Variants in ANKRD29 observed in about 807,000 individuals in gnomAD.
ANKRD29 encodes the protein ankyrin repeat domain 29.
A neutral mutation model predicts 38.0 loss-of-function variants in ANKRD29; 32 were observed. That is an observed-to-expected ratio of 0.84 (90% confidence interval 0.64 to 1.13). The LOEUF (loss-of-function observed/expected upper bound fraction) is 1.13. Ranked by LOEUF, ANKRD29 falls within the 50% of genes most tolerant of loss-of-function variation. The pLI is 0.00. For synonymous variants in ANKRD29, 135 were observed against 152.4 expected (o/e 0.89, Z 0.84); for missense variants, 357 against 377.9 (o/e 0.94, Z 0.46).
In ANKRD29 at chr18:23,600,584, A is replaced by G. The variant is rs369172297; in HGVS notation, c.*642T>C. 10 of 152,690 alleles carry G rather than the reference A, an allele frequency of 6.5e-5. No individual in the cohort carries two copies. The highest frequency in any genetic ancestry group is 1.9e-4 in the African/African-American group (8 of 41,468). 9.5% of individuals were successfully genotyped at this position (152,690 alleles called of 1,614,324 possible). A position where few individuals can be genotyped will look rare whatever the true frequency, so the allele number is the denominator to read the frequency against. On this transcript the variant is annotated 3_prime_UTR_variant, in exon 10 of 10. Coordinates refer to ENST00000592179, the MANE Select transcript of ANKRD29 (RefSeq NM_173505.4). ...TCAGGAATAAGATGAGGATCAACGA[A>G]CAAATGCACAGTCTGTCTTTTCTAT...
At chr18:23,653,542 C>T (rs777432909) in intron 1 of ANKRD29, among the ~76,000 whole-genome samples, 1 of 152,134 alleles carries the variant, frequency 6.6e-6, no homozygotes, top group Non-Finnish European at 1.5e-5. Flanking sequence ...AGCCACCGCA[C>T]CTGGCCTAGT....
At position 23,646,143 on chromosome 18, in the gene ANKRD29, A is replaced by G. The variant is rs1018539082; in HGVS notation, c.231+46T>C. The G allele has an allele frequency of 2.5e-6, 4 of 1,574,524 alleles. No individual in the cohort carries two copies. In the Admixed American group the frequency reaches 6.7e-5, roughly 26 times the overall value. ...CAGTTCACTATCATGAAAACTTCAG[A>G]TCTCTGAGCCTGGTCATTTTTCTTC... On this transcript the variant is annotated intron_variant, in intron 3 of 9. Transcript: ENST00000592179.
At chr18:23,654,324 A>C (rs113889862) in intron 1 of ANKRD29, among the ~76,000 whole-genome samples, 1,525 of 140,376 alleles carry the variant, frequency 0.011, 17 homozygotes, top group African/African-American at 0.031. Flanking sequence ...ATAAATAAAT[A>C]AATCCAAGTC....
Position 23,609,573 on chromosome 18 carries a change from C to T in ANKRD29, c.822+2519G>A, listed in dbSNP as rs573865746. The stretch of plus-strand genomic sequence containing the variant: ...GCAAGGTGAACCCATTGGGCGGTTA[C>T]ACTTGCTTGGATTCAGGAGGGTCCA... On this transcript the variant is annotated intron_variant, in intron 9 of 9. Coordinates refer to ENST00000592179, the MANE Select transcript of ANKRD29 (RefSeq NM_173505.4). Among the ~76,000 whole-genome samples the T allele has an allele frequency of 4.1e-4, 62 of 152,322 alleles. 3 individuals are homozygous for T. The South Asian group carries it at 7.9e-3, about 19-fold the overall frequency.
intron 9 of ANKRD29, among the ~76,000 whole-genome samples, chr18:23,608,662 C>T (rs560973733): frequency 6.6e-6 from 1 of 152,154 alleles, no homozygotes; most frequent in Admixed American, 6.6e-5. Context: ...TGCTTCTAAC[C>T]TTTAAGCTGT....
In ANKRD29 at chr18:23,619,491, G is replaced by A. The variant is rs528457674; in HGVS notation, c.627+40C>T. On this transcript the variant is annotated intron_variant, in intron 7 of 9. Transcript: ENST00000592179. ...CCCGTTTTCTCCACACAGGCGCGCC[G>A]GGAGGCTTCGCTCTTTGGCCGCGCG... The A allele has an allele frequency of 3.6e-5, 55 of 1,531,748 alleles. 2 individuals carry two copies. Among genetic ancestry groups the A allele is most frequent in the South Asian group, 2.7e-4 (22 of 80,522 alleles). The allele number at this position is 1,531,748 out of a possible 1,614,324, so 94.9% of individuals were successfully genotyped here.
At chr18:23,604,542 T>C (rs938102024) in intron 9 of ANKRD29, among the ~76,000 whole-genome samples, 2 of 152,160 alleles carry the variant, frequency 1.3e-5, no homozygotes, top group Non-Finnish European at 2.9e-5. Flanking sequence ...GCTTTTTTTT[T>C]TCCTTTTGAG....
chr18:23,649,315 T>C (rs1330004367), intron 1 of ANKRD29, 122 bp from the exon 2 acceptor site: 48 of 788,082 alleles, frequency 6.1e-5, no homozygotes, highest in South Asian at 4.0e-4. Flanking sequence ...ATTTGAAAGA[T>C]TGATCCTCCA....
intron 6 of ANKRD29, among the ~76,000 whole-genome samples, chr18:23,623,729 G>A (rs1235817399): frequency 6.6e-6 from 1 of 151,806 alleles, no homozygotes; most frequent in African/African-American, 2.4e-5. Flanking sequence ...TGCAAGCTCC[G>A]CCTCCCGGGT....
At position 23,618,166 on chromosome 18, in the gene ANKRD29, G is replaced by A. The variant is rs565793087; in HGVS notation, c.628-339C>T. On this transcript the variant is annotated intron_variant, in intron 7 of 9. Transcript: ENST00000592179. ...TTGGACCAAAGAGGCATTCTCGGCT[G>A]TTCATAACTTAGCAGAAATGGTTAA... Among the ~76,000 whole-genome samples the A allele has an allele frequency of 6.6e-4, 100 of 152,312 alleles. 1 individual carries two copies. The highest frequency in any genetic ancestry group is 2.3e-3 in the African/African-American group (96 of 41,566).
chr18:23,646,842 A>G (rs1009747349), intron 2 of ANKRD29: 3 of 152,554 alleles, frequency 2.0e-5, no homozygotes, highest in African/African-American at 7.2e-5. Context: ...ACTTGGACTC[A>G]TTTATTTCAT....
chr18:23,642,777 A>C (rs1313729142), intron 3 of ANKRD29, among the ~76,000 whole-genome samples: 1 of 152,244 alleles, frequency 6.6e-6, no homozygotes, highest in Admixed American at 6.5e-5. Context: ...GGGGCCCTGC[A>C]TGCACAGTTA....
At chr18:23,654,676 T>G (rs1279454912) in intron 1 of ANKRD29, among the ~76,000 whole-genome samples, 1 of 146,812 alleles carries the variant, frequency 6.8e-6, no homozygotes, top group Non-Finnish European at 1.5e-5. Flanking sequence ...GAGTCTGAGA[T>G]CTTACATTTT....
intron 6 of ANKRD29, among the ~76,000 whole-genome samples, chr18:23,624,372 C>T (rs1278463918): frequency 7.1e-6 from 1 of 140,226 alleles, no homozygotes; most frequent in Non-Finnish European, 1.5e-5. Flanking sequence ...GATTCTGAGG[C>T]AGGAGAATCA....
At chr18:23,611,033 C>T (rs1033184722) in intron 9 of ANKRD29, among the ~76,000 whole-genome samples, 2 of 152,252 alleles carry the variant, frequency 1.3e-5, no homozygotes, top group Non-Finnish European at 2.9e-5. Context: ...GCAATCTATA[C>T]ATGTGCCAGC....
chr18:23,648,477 G>A (rs532869590), intron 2 of ANKRD29: 10 of 163,302 alleles, frequency 6.1e-5, no homozygotes, highest in African/African-American at 2.4e-4. Context: ...TTCCTCATTG[G>A]AGGTCCTCTT....
chr18:23,612,861 G>A (rs928049209), intron 8 of ANKRD29, among the ~76,000 whole-genome samples: 1 of 152,116 alleles, frequency 6.6e-6, no homozygotes, highest in African/African-American at 2.4e-5. Context: ...ACCACGGAGA[G>A]GAGGGGAGGA....
chr18:23,639,408 AT>A (rs1352281915), intron 3 of ANKRD29, among the ~76,000 whole-genome samples: 14 of 152,286 alleles, frequency 9.2e-5, no homozygotes, highest in Non-Finnish European at 2.1e-4. Context: ...ATGGACTATT[AT>A]TTAGCTAAAA....
In ANKRD29 at chr18:23,645,361, G is replaced by A. The variant is rs553498359; in HGVS notation, c.231+828C>T. ...GAGGCTGATGTGGGCAGATCACGAG[G>A]TCAGGAGATCGAGACCATCTTGGCC... On this transcript the variant is annotated intron_variant, in intron 3 of 9. Transcript: ENST00000592179. 2.2e-4 allele frequency among the ~76,000 whole-genome samples: 34 copies of A among 152,308 alleles called. No homozygotes were observed. The South Asian group carries it at 6.8e-3, about 31-fold the overall frequency.
Sources: allele counts gnomAD v4.1 joint callset (sites outside exome capture counted in the v4.1 genomes callset), GRCh38; gene constraint gnomAD v4.1.1; transcripts MANE v1.5; gene names NCBI Gene and HGNC (gene_info 2026-07-23, HGNC 2026-07-21).